GPRIN3: variants seen among roughly 807,000 people sequenced by gnomAD.
GPRIN3 encodes the protein GPRIN family member 3.
Under a neutral mutation model 13.7 loss-of-function variants are expected in GPRIN3, and 12 were observed. That is an observed-to-expected ratio of 0.87 (90% CI 0.56 to 1.42). The LOEUF is 1.42. Among genes scored for constraint, GPRIN3 ranks in the 40% most tolerant of loss-of-function variants. GPRIN3 has a pLI of 0.00. For synonymous variants in GPRIN3, 377 were observed against 372.7 expected, an observed-to-expected ratio of 1.01 and a Z score of -0.13; for missense variants, 1,009 against 958.7, an observed-to-expected ratio of 1.05 and a Z score of -0.69.
In GPRIN3 at chr4:89,242,799, TA is replaced by T. The variant is rs892147482; in HGVS notation, c.*4980del. ...ATTAGTATCTGAGATATTTGTGTCT[TA>T]AAAAAACTTGCAAATAACATCTTGT... On this transcript the variant is annotated 3_prime_UTR_variant, in exon 2 of 2. Coordinates refer to ENST00000609438, the MANE Select transcript of GPRIN3 (RefSeq NM_198281.3). The T allele has an allele frequency of 6.6e-6, 1 of 152,174 alleles. No individual in the cohort carries two copies. The highest frequency in any genetic ancestry group is 1.5e-5 in the Non-Finnish European group (1 of 68,022). 9.4% of individuals were successfully genotyped at this position (152,174 alleles called of 1,614,324 possible). A position where few individuals can be genotyped will look rare whatever the true frequency, so the allele number is the denominator to read the frequency against.
At chr4:89,294,279 G>C (rs1724670863) in intron 1 of GPRIN3, among the ~76,000 whole-genome samples, 1 of 152,148 alleles carries the variant, frequency 6.6e-6, no homozygotes, top group South Asian at 2.1e-4. Context: ...GGGCATGGTG[G>C]CTCACATTTG....
At chr4:89,268,771 T>A (rs1242985778) in intron 1 of GPRIN3, among the ~76,000 whole-genome samples, 4 of 152,122 alleles carry the variant, frequency 2.6e-5, no homozygotes, top group Non-Finnish European at 5.9e-5. Context: ...AACCCCATGA[T>A]CAGTGACATC....
chr4:89,288,251 T>G (rs951066912), intron 1 of GPRIN3, among the ~76,000 whole-genome samples: 1 of 152,212 alleles, frequency 6.6e-6, no homozygotes, highest in African/African-American at 2.4e-5. Context: ...TTTGTTTTTT[T>G]CTTTGCAGAG....
rs1561184311 is a variant in GPRIN3 at position 89,249,965 on chromosome 4, C to T, written c.146G>A (p.Gly49Asp). The T allele has an allele frequency of 1.9e-6, 3 of 1,614,210 alleles. No individual in the cohort carries two copies. The highest frequency in any genetic ancestry group is 2.5e-6 in the Non-Finnish European group (3 of 1,180,016). ...LLCKNANGFS[G>D]APAEPDLSPR... ...GCTGAGGTCTGGTTCTGCAGGGGCA[C>T]CTGAAAAGCCATTGGCATTCTTACA... The change falls in exon 2 of 2, where the codon GGT (glycine) becomes GAT (aspartate). Residue 49 changes from glycine (G) to aspartate (D), a missense_variant. Coordinates refer to ENST00000609438, the MANE Select transcript of GPRIN3 (RefSeq NM_198281.3).
chr4:89,291,415 T>G (rs1724568358), intron 1 of GPRIN3, among the ~76,000 whole-genome samples: 1 of 152,218 alleles, frequency 6.6e-6, no homozygotes, highest in African/African-American at 2.4e-5. Flanking sequence ...GAATGTCACA[T>G]AAATATAAAA....
At chr4:89,303,870 A>T (rs1458663626) in intron 1 of GPRIN3, among the ~76,000 whole-genome samples, 1 of 147,040 alleles carries the variant, frequency 6.8e-6, no homozygotes, top group Non-Finnish European at 1.5e-5. Flanking sequence ...AAATATACAC[A>T]ATGAAATTTA....
At chr4:89,305,769 A>T (rs929043268) in intron 1 of GPRIN3, among the ~76,000 whole-genome samples, 1 of 152,238 alleles carries the variant, frequency 6.6e-6, no homozygotes, top group Non-Finnish European at 1.5e-5. Context: ...CATATTGGGC[A>T]ATTTTTTTGA....
intron 1 of GPRIN3, among the ~76,000 whole-genome samples, chr4:89,265,223 C>A (rs1723751110): frequency 1.3e-5 from 2 of 152,124 alleles, no homozygotes; most frequent in African/African-American, 4.8e-5. Flanking sequence ...TCTCAATTTT[C>A]ACTTAAGATA....
rs760047196 is a variant in GPRIN3 at position 89,248,007 on chromosome 4, C to A, written c.2104G>T (p.Ala702Ser). Reference protein sequence around the residue: ...TWEVYGASLDAESLGIAIQNH... With the variant: ...TWEVYGASLDSESLGIAIQNH... ...TGGATCGCGATTCCCAGGGACTCTGCGTCCAAGGATGCACCATACACTTCC... is the reference window on the plus strand; with the variant it reads ...TGGATCGCGATTCCCAGGGACTCTGAGTCCAAGGATGCACCATACACTTCC... The change falls in exon 2 of 2, where the codon GCA becomes TCA. Residue 702 changes from alanine to serine, a missense_variant. Physicochemically the swap from Ala to Ser is moderately conservative, Grantham distance 99. Coordinates refer to ENST00000609438, the MANE Select transcript of GPRIN3 (RefSeq NM_198281.3). The A allele has an allele frequency of 1.9e-6, 3 of 1,613,958 alleles. No individual in the cohort carries two copies. The highest frequency in any genetic ancestry group is 1.3e-5 in the African/African-American group (1 of 74,876).
chr4:89,255,971 G>T (rs1723453918), intron 1 of GPRIN3, among the ~76,000 whole-genome samples: 1 of 152,130 alleles, frequency 6.6e-6, no homozygotes, highest in African/African-American at 2.4e-5. Flanking sequence ...CCTTAAAATC[G>T]TGAGCAGAGA....
intron 1 of GPRIN3, among the ~76,000 whole-genome samples, chr4:89,279,853 A>G (rs1192211584): frequency 1.3e-5 from 2 of 152,054 alleles, no homozygotes; most frequent in African/African-American, 4.8e-5. Context: ...TTCTCACTCT[A>G]TACACTCAAC....
rs200178775 is a variant in GPRIN3, at chr4:89,247,822, G to A, written c.2289C>T (p.Pro763=). ...ACGGGGCAGGACGGACGCAGCAGTTGGGGCGTCGGAAGTTCTGCAGCATGG... is the reference window on the plus strand; with the variant it reads ...ACGGGGCAGGACGGACGCAGCAGTTAGGGCGTCGGAAGTTCTGCAGCATGG... ...FQSMLQNFRR[P]NCCVRPAPSS... is the part of the protein sequence containing the mutation. Residue 763 remains proline (P), a synonymous_variant, in exon 2 of 2, where the codon CCC becomes CCT. Coordinates refer to ENST00000609438, the MANE Select transcript of GPRIN3 (RefSeq NM_198281.3). The A allele has an allele frequency of 1.9e-6, 3 of 1,613,812 alleles. No homozygotes were observed. The East Asian group carries it at 6.7e-5, about 36-fold the overall frequency.
chr4:89,296,798 C>T (rs1247828378), intron 1 of GPRIN3, among the ~76,000 whole-genome samples: 1 of 152,128 alleles, frequency 6.6e-6, no homozygotes, highest in Non-Finnish European at 1.5e-5. Flanking sequence ...TTTATGTTTG[C>T]CAATGTTATC....
chr4:89,253,961 C>T (rs116080476), intron 1 of GPRIN3, among the ~76,000 whole-genome samples: 2,484 of 152,196 alleles, frequency 0.016, 70 homozygotes, highest in African/African-American at 0.056. Flanking sequence ...GCAAATCGAA[C>T]ATTTAAAAAG....
At chr4:89,258,231 A>AT (rs34494592) in intron 1 of GPRIN3, among the ~76,000 whole-genome samples, 70,468 of 147,864 alleles carry the variant, frequency 0.48, 17,138 homozygotes, top group South Asian at 0.68. Context: ...AAGCCTGAGC[A>AT]TTTTTTTTTT....
chr4:89,248,045 T>C lies in GPRIN3; in HGVS notation c.2066A>G (p.Gln689Arg). Residue 689 changes from glutamine (Q) to arginine (R), a missense_variant, in exon 2 of 2, where the codon CAG (glutamine) becomes CGG (arginine). Coordinates refer to ENST00000609438, the MANE Select transcript of GPRIN3 (RefSeq NM_198281.3). ...ACCATACACTTCCCAGGTCATTCCCTGCTCATCCCACACGACGTCCCTGAC... is the reference window on the plus strand; with the variant it reads ...ACCATACACTTCCCAGGTCATTCCCCGCTCATCCCACACGACGTCCCTGAC... ...KRVRDVVWDEQGMTWEVYGAS... is the reference protein window; with the variant it reads ...KRVRDVVWDERGMTWEVYGAS... 1.2e-6 allele frequency: 2 copies of C among 1,614,116 alleles called. No individual in the cohort carries two copies.
intron 1 of GPRIN3, among the ~76,000 whole-genome samples, chr4:89,293,972 A>G (rs958226772): frequency 6.6e-6 from 1 of 152,208 alleles, no homozygotes; most frequent in Admixed American, 6.5e-5. Context: ...CAAAAGAAAT[A>G]GTACTAATGT....
intron 1 of GPRIN3, among the ~76,000 whole-genome samples, chr4:89,270,452 T>G (rs1233132021): frequency 1.3e-5 from 2 of 150,472 alleles, no homozygotes; most frequent in African/African-American, 4.9e-5. Flanking sequence ...TATTTCTTAT[T>G]CTTTCAACTG....
At chr4:89,307,296 CA>C (rs1214393067) in intron 1 of GPRIN3, among the ~76,000 whole-genome samples, 14 of 151,832 alleles carry the variant, frequency 9.2e-5, no homozygotes, top group East Asian at 1.9e-4. Context: ...CACACACACA[CA>C]CCCCTCATAT....
Sources: gnomAD v4.1 joint callset for allele counts (sites outside exome capture counted in the v4.1 genomes callset) on GRCh38, gnomAD v4.1.1 for gene constraint, MANE v1.5 for transcripts, NCBI Gene and HGNC (gene_info 2026-07-23, HGNC 2026-07-21) for gene names.